The following ELP4 variants were observed in gnomAD, a reference collection of about 807,000 sequenced individuals.
The protein encoded by ELP4 is elongator acetyltransferase complex subunit 4.
In ELP4, 51 loss-of-function variants were observed where a neutral mutation model predicts 48.9. That is an observed-to-expected ratio of 1.04 (90% CI 0.83 to 1.32). The LOEUF (loss-of-function observed/expected upper bound fraction) is 1.32. Ranked by LOEUF, ELP4 falls within the 40% of genes most tolerant of loss-of-function variation. ELP4 has a pLI of 0.00. For synonymous variants in ELP4, 210 were observed against 189.2 expected, an observed-to-expected ratio of 1.11 and a Z score of -0.90; for missense variants, 519 against 514.6, an observed-to-expected ratio of 1.01 and a Z score of -0.08.
rs539129053 is a variant in ELP4 at position 31,669,167 on chromosome 11, C to T, written c.1143+18946C>T. Among the ~76,000 whole-genome samples the T allele has an allele frequency of 7.9e-4, 120 of 151,718 alleles. 1 individual carries two copies. Among genetic ancestry groups the T allele is most frequent in the African/African-American group, 2.5e-3 (105 of 41,408 alleles). Reference sequence around the variant, plus strand: ...AGGCTGGAGTGCAGTGGCGCGATCTCGGCTCACTGCAACCTCTGCCTCCCA... The same window carrying T: ...AGGCTGGAGTGCAGTGGCGCGATCTTGGCTCACTGCAACCTCTGCCTCCCA... On this transcript the variant is annotated intron_variant, in intron 9 of 9. Coordinates refer to ENST00000640961, the MANE Select transcript of ELP4 (RefSeq NM_019040.5).
At chr11:31,670,220 T>G (rs1339616453) in intron 9 of ELP4, among the ~76,000 whole-genome samples, 1 of 152,196 alleles carries the variant, frequency 6.6e-6, no homozygotes, top group Non-Finnish European at 1.5e-5. Flanking sequence ...TATGGATACC[T>G]ATCAGGATGA....
chr11:31,667,816 T>C (rs1306812118), intron 9 of ELP4, among the ~76,000 whole-genome samples: 2 of 152,182 alleles, frequency 1.3e-5, no homozygotes, highest in South Asian at 2.1e-4. Context: ...GTCTAACTTA[T>C]ACACTGACTC....
intron 9 of ELP4, among the ~76,000 whole-genome samples, chr11:31,684,752 A>C (rs1172925972): frequency 6.6e-6 from 1 of 152,200 alleles, no homozygotes; most frequent in Non-Finnish European, 1.5e-5. Flanking sequence ...TGAAAAACAA[A>C]AGTAAATCTT....
chr11:31,599,520 CACAA>C (rs1337785434), intron 4 of ELP4: 79 of 17,842 alleles, frequency 4.4e-3, no homozygotes, highest in African/African-American at 7.8e-3. Context: ...CACACACACA[CACAA>C]AAAAAAAAAA....
rs1949189039 is a variant in ELP4 at position 31,789,872 on chromosome 11, C to T, written c.*6348C>T. 7.0e-7 allele frequency: 1 copy of T among 1,418,950 alleles called. No homozygotes were observed. The allele number at this position is 1,418,950 out of a possible 1,614,324, so 87.9% of individuals were successfully genotyped here. On this transcript the variant is annotated 3_prime_UTR_variant, in exon 10 of 10. Transcript: ENST00000640961. ...TTTCCTGAAAGCTCAACTGTTGTGT[C>T]CCCATAGTCACTGACTGAATTAACA...
intron 9 of ELP4, among the ~76,000 whole-genome samples, chr11:31,775,264 C>T (rs999069638): frequency 3.9e-5 from 6 of 152,196 alleles, no homozygotes; most frequent in East Asian, 1.9e-4. Flanking sequence ...ATGAAACACA[C>T]GGAGAATTGG....
chr11:31,645,471 T>TA (rs1945180662), intron 7 of ELP4, among the ~76,000 whole-genome samples: 1 of 151,800 alleles, frequency 6.6e-6, no homozygotes, highest in South Asian at 2.1e-4. Context: ...TTTGCTTATG[T>TA]ACTATCAGAA....
At chr11:31,567,559 A>G (rs760942585) in intron 3 of ELP4, among the ~76,000 whole-genome samples, 2 of 152,208 alleles carry the variant, frequency 1.3e-5, no homozygotes, top group African/African-American at 2.4e-5. Context: ...CTGATTTTAG[A>G]GATGGTAATG....
intron 9 of ELP4, chr11:31,653,734 A>G (rs1945371312): frequency 6.6e-6 from 1 of 151,800 alleles, no homozygotes; most frequent in South Asian, 2.1e-4. Flanking sequence ...CATAAGCTTC[A>G]CCAGTCAAGT....
chr11:31,515,065 C>A, intron 1 of ELP4, among the ~76,000 whole-genome samples: 1 of 136,872 alleles, frequency 7.3e-6, no homozygotes, highest in Non-Finnish European at 1.6e-5. Context: ...ATGTATAGGT[C>A]CAAATTATTC....
chr11:31,589,460 AGT>A lies in ELP4; in HGVS notation c.382-5308_382-5307del, dbSNP rs1429827050. Among the ~76,000 whole-genome samples the A allele has an allele frequency of 2.0e-5, 3 of 152,192 alleles. No individual in the cohort carries two copies. In the East Asian group the frequency reaches 5.8e-4, roughly 29 times the overall value. On this transcript the variant is annotated intron_variant, in intron 3 of 9. Coordinates refer to ENST00000640961, the MANE Select transcript of ELP4 (RefSeq NM_019040.5). ...TAAATATGGACAGTAAAGATCATCT[AGT>A]GCCTCTTTTATGTACTCCTTTTTTA...
chr11:31,548,420 A>C (rs1223770229), intron 3 of ELP4, among the ~76,000 whole-genome samples: 22 of 151,764 alleles, frequency 1.4e-4, no homozygotes, highest in African/African-American at 5.3e-4. Context: ...TAGGAATCCA[A>C]CTTACAAGGG....
intron 2 of ELP4, among the ~76,000 whole-genome samples, chr11:31,525,884 C>T (rs1956287522): frequency 1.3e-5 from 2 of 152,156 alleles, no homozygotes; most frequent in South Asian, 4.2e-4. Flanking sequence ...TTAAGCTGTT[C>T]CAATGGTCTG....
At chr11:31,718,421 G>A (rs570500755) in intron 9 of ELP4, among the ~76,000 whole-genome samples, 11 of 152,290 alleles carry the variant, frequency 7.2e-5, no homozygotes, top group African/African-American at 2.4e-4. Flanking sequence ...TTAAACTACC[G>A]CAAAACATAG....
chr11:31,729,117 G>A (rs1947133741), intron 9 of ELP4, among the ~76,000 whole-genome samples: 1 of 152,238 alleles, frequency 6.6e-6, no homozygotes, highest in South Asian at 2.1e-4. Flanking sequence ...TTAAACTAGT[G>A]AAACAGAATA....
At chr11:31,711,463 G>A (rs1371619439) in intron 9 of ELP4, among the ~76,000 whole-genome samples, 1 of 152,108 alleles carries the variant, frequency 6.6e-6, no homozygotes, top group Non-Finnish European at 1.5e-5. Context: ...AAAAGCACCA[G>A]TGAACTAATA....
intron 9 of ELP4, among the ~76,000 whole-genome samples, chr11:31,710,138 A>G (rs547764680): frequency 6.6e-6 from 1 of 152,208 alleles, no homozygotes; most frequent in African/African-American, 2.4e-5. Flanking sequence ...AAAAGAGTAG[A>G]CACTCAATAA....
intron 9 of ELP4, among the ~76,000 whole-genome samples, chr11:31,774,266 A>G (rs545762858): frequency 8.5e-5 from 13 of 152,218 alleles, no homozygotes; most frequent in Admixed American, 8.5e-4. Flanking sequence ...GCCATCTAAA[A>G]TAATAGACTT....
chr11:31,778,276 A>C (rs961133667), intron 9 of ELP4, among the ~76,000 whole-genome samples: 4 of 152,220 alleles, frequency 2.6e-5, no homozygotes, highest in African/African-American at 9.6e-5. Context: ...TATGAGGGAA[A>C]GTATTTAGAC....
Sources: allele counts gnomAD v4.1 joint callset (sites outside exome capture counted in the v4.1 genomes callset), GRCh38; gene constraint gnomAD v4.1.1; transcripts MANE v1.5; gene names NCBI Gene and HGNC (gene_info 2026-07-23, HGNC 2026-07-21).